Variants in MARCHF1 observed in about 807,000 individuals in gnomAD.
MARCHF1 encodes membrane associated ring-CH-type finger 1.
A neutral mutation model predicts 54.2 loss-of-function variants in MARCHF1; 40 were observed. That is an observed-to-expected ratio of 0.74 (90% confidence interval 0.57 to 0.96). The LOEUF (loss-of-function observed/expected upper bound fraction) is 0.96, where lower values mean the gene tolerates loss of function less well. MARCHF1 is among the 40% of genes least tolerant of loss of function. MARCHF1 has a pLI of 0.00. For missense variants in MARCHF1, 586 were observed against 656.5 expected, an observed-to-expected ratio of 0.89 and a Z score of 1.17; for synonymous variants, 236 against 236.3, an observed-to-expected ratio of 1.00 and a Z score of 0.01.
intron 1 of MARCHF1, among the ~76,000 whole-genome samples, chr4:164,344,038 G>T (rs1579737587): frequency 6.6e-6 from 1 of 152,126 alleles, no homozygotes. Flanking sequence ...GGACTACTAT[G>T]CAGCCATAAG....
intron 1 of MARCHF1, chr4:164,197,858 AAGGGAC>A: frequency 8.2e-7 from 1 of 1,222,340 alleles, no homozygotes; most frequent in Non-Finnish European, 1.1e-6. Context: ...TATTATAATA[AAGGGAC>A]TGATAAGTAA....
chr4:163,704,065 T>C (rs1431488936), intron 4 of MARCHF1, among the ~76,000 whole-genome samples: 1 of 151,714 alleles, frequency 6.6e-6, no homozygotes, highest in African/African-American at 2.4e-5. Context: ...GTATACTATG[T>C]CATTGACTGA....
At chr4:164,030,250 C>CT (rs568521391) in intron 2 of MARCHF1, among the ~76,000 whole-genome samples, 16 of 151,582 alleles carry the variant, frequency 1.1e-4, no homozygotes, top group African/African-American at 2.9e-4. Context: ...TCAAAAGATG[C>CT]TTTTTTTGGA....
At chr4:164,053,116 G>A (rs1339637397) in intron 2 of MARCHF1, among the ~76,000 whole-genome samples, 1 of 152,100 alleles carries the variant, frequency 6.6e-6, no homozygotes, top group Non-Finnish European at 1.5e-5. Flanking sequence ...TATTGGGGGA[G>A]CATATTGATT....
At chr4:163,708,831 G>T (rs918489867) in intron 4 of MARCHF1, among the ~76,000 whole-genome samples, 1 of 151,536 alleles carries the variant, frequency 6.6e-6, no homozygotes, top group African/African-American at 2.4e-5. Flanking sequence ...GGAGATGGAG[G>T]GCAAGGAATC....
chr4:164,156,881 A>T (rs755460442), intron 1 of MARCHF1, among the ~76,000 whole-genome samples: 4 of 150,780 alleles, frequency 2.7e-5, no homozygotes, highest in Non-Finnish European at 4.4e-5. Flanking sequence ...CATGCTTCTC[A>T]TTTGATCTTC....
rs185366461 is a variant in MARCHF1, at chr4:163,747,221, T to C, written c.112-46358A>G. 1.8e-3 allele frequency among the ~76,000 whole-genome samples: 271 copies of C among 152,356 alleles called. 1 individual carries two copies. The highest frequency in any genetic ancestry group is 6.3e-3 in the African/African-American group (264 of 41,584). ...AGATGAGGGGAAAAATATTCTCCTT[T>C]GAGAATTTGTAACTATTGCCAGCCT... On this transcript the variant is annotated intron_variant, in intron 4 of 9. Transcript: ENST00000514618.
intron 5 of MARCHF1, among the ~76,000 whole-genome samples, chr4:163,659,342 C>T (rs1579167372): frequency 1.3e-5 from 2 of 152,168 alleles, no homozygotes; most frequent in South Asian, 4.1e-4. Context: ...GGGAAACTGG[C>T]TAGCCATATG....
At chr4:163,916,793 A>G (rs1053082534) in intron 3 of MARCHF1, among the ~76,000 whole-genome samples, 1 of 152,136 alleles carries the variant, frequency 6.6e-6, no homozygotes. Flanking sequence ...CACTATCAAC[A>G]CCTCACACAA....
intron 4 of MARCHF1, among the ~76,000 whole-genome samples, chr4:163,727,892 A>T (rs1269765360): frequency 6.6e-6 from 1 of 151,568 alleles, no homozygotes; most frequent in Non-Finnish European, 1.5e-5. Flanking sequence ...TCACCATGTT[A>T]TCCAGGCTGG....
intron 2 of MARCHF1, among the ~76,000 whole-genome samples, chr4:164,075,980 G>T (rs1183762868): frequency 2.6e-5 from 4 of 152,154 alleles, no homozygotes; most frequent in Non-Finnish European, 4.4e-5. Flanking sequence ...TCAACAGGAT[G>T]ACTGAACTTG....
chr4:163,669,542 T>G (rs1201247324), intron 5 of MARCHF1, among the ~76,000 whole-genome samples: 2 of 151,878 alleles, frequency 1.3e-5, no homozygotes, highest in Non-Finnish European at 2.9e-5. Context: ...GGTAAATACC[T>G]CTAGGGAAAA....
chr4:163,931,303 A>G (rs1357929554), intron 3 of MARCHF1, among the ~76,000 whole-genome samples: 1 of 152,166 alleles, frequency 6.6e-6, no homozygotes, highest in Non-Finnish European at 1.5e-5. Flanking sequence ...TAATATTAAC[A>G]TTTAAATTGG....
chr4:163,658,040 G>A (rs1337254010), intron 5 of MARCHF1, among the ~76,000 whole-genome samples: 5 of 151,536 alleles, frequency 3.3e-5, no homozygotes, highest in South Asian at 2.1e-4. Flanking sequence ...AAGCAATTGC[G>A]ACAAAAGCTA....
chr4:163,616,155 T>C (rs1213484791), intron 5 of MARCHF1, among the ~76,000 whole-genome samples: 1 of 152,126 alleles, frequency 6.6e-6, no homozygotes, highest in East Asian at 1.9e-4. Context: ...CATTGATCTT[T>C]TAGAAAAGTT....
At chr4:164,171,714 A>G (rs1198149289) in intron 1 of MARCHF1, among the ~76,000 whole-genome samples, 1 of 152,214 alleles carries the variant, frequency 6.6e-6, no homozygotes, top group African/African-American at 2.4e-5. Flanking sequence ...CAAGGTCCTC[A>G]GTATACTGAC....
intron 1 of MARCHF1, among the ~76,000 whole-genome samples, chr4:164,304,009 T>TA (rs1467303598): frequency 1.3e-5 from 2 of 152,216 alleles, no homozygotes; most frequent in Non-Finnish European, 2.9e-5. Flanking sequence ...ATGCAATACC[T>TA]TCCAAACAGA....
intron 7 of MARCHF1, among the ~76,000 whole-genome samples, chr4:163,598,406 C>T (rs925856522): frequency 2.0e-5 from 3 of 152,142 alleles, no homozygotes; most frequent in Non-Finnish European, 2.9e-5. Flanking sequence ...GACAGGGATA[C>T]GTTCTGAGAA....
At chr4:163,720,783 T>C (rs902851254) in intron 4 of MARCHF1, among the ~76,000 whole-genome samples, 5 of 152,212 alleles carry the variant, frequency 3.3e-5, no homozygotes, top group Non-Finnish European at 7.3e-5. Context: ...TTATTCTCTT[T>C]GAAGCAATTG....
Sources: gnomAD v4.1 joint callset for allele counts (sites outside exome capture counted in the v4.1 genomes callset) on GRCh38, gnomAD v4.1.1 for gene constraint, MANE v1.5 for transcripts, NCBI Gene and HGNC (gene_info 2026-07-23, HGNC 2026-07-21) for gene names.